The following ARHGAP10 variants were observed in gnomAD, a reference collection of about 807,000 sequenced individuals.
ARHGAP10 encodes rho GTPase-activating protein 10.
A neutral mutation model predicts 108.6 loss-of-function variants in ARHGAP10; 87 were observed. The ratio of observed to expected loss-of-function variants is 0.80; its 90% CI spans 0.67 to 0.96. The LOEUF (loss-of-function observed/expected upper bound fraction) is 0.96, where lower values mean the gene tolerates loss of function less well. Ranked by LOEUF, ARHGAP10 falls within the 40% of genes least tolerant of loss-of-function variation. The pLI, the probability that ARHGAP10 is intolerant of heterozygous loss-of-function variation, is 0.00. For missense variants in ARHGAP10, 939 were observed against 954.5 expected, an observed-to-expected ratio of 0.98 and a Z score of 0.21; for synonymous variants, 347 against 341.1, an observed-to-expected ratio of 1.02 and a Z score of -0.19.
At chr4:147,935,015 C>T (rs1737869127) in intron 13 of ARHGAP10, among the ~76,000 whole-genome samples, 1 of 152,112 alleles carries the variant, frequency 6.6e-6, no homozygotes, top group African/African-American at 2.4e-5. Context: ...TAGCACCTGG[C>T]ACATATCTGA....
intron 13 of ARHGAP10, among the ~76,000 whole-genome samples, chr4:147,935,729 G>A (rs1737901104): frequency 6.6e-6 from 1 of 152,148 alleles, no homozygotes; most frequent in East Asian, 1.9e-4. Context: ...CTCTCATTTA[G>A]TTCAGAGCCT....
intron 18 of ARHGAP10, among the ~76,000 whole-genome samples, chr4:148,005,260 C>G (rs560683880): frequency 6.6e-6 from 1 of 152,114 alleles, no homozygotes; most frequent in Non-Finnish European, 1.5e-5. Flanking sequence ...AAGTGTGGAA[C>G]CGTATCTACT....
In ARHGAP10 at chr4:147,732,274, T is replaced by A. The variant is rs765509231; in HGVS notation, c.-28T>A. 1.9e-6 allele frequency: 3 copies of A among 1,562,342 alleles called. No homozygotes were observed. Among genetic ancestry groups the A allele is most frequent in the Admixed American group, 3.7e-5 (2 of 54,042 alleles). On this transcript the variant is annotated 5_prime_UTR_variant, in exon 1 of 23. Coordinates refer to ENST00000336498, the MANE Select transcript of ARHGAP10 (RefSeq NM_024605.4). Reference sequence around the variant, plus strand: ...CGGCTCGGGCAGGAGCGCGCGGCCGTGCGCACCGCGCAGCGACCGCTGCCG... The same window carrying A: ...CGGCTCGGGCAGGAGCGCGCGGCCGAGCGCACCGCGCAGCGACCGCTGCCG...
chr4:147,909,403 T>A (rs1041500390), intron 11 of ARHGAP10, among the ~76,000 whole-genome samples: 1 of 152,130 alleles, frequency 6.6e-6, no homozygotes, highest in Non-Finnish European at 1.5e-5. Context: ...CTGAAAGAAA[T>A]ATCAGTGGGT....
chr4:148,025,099 T>C (rs1407206891), intron 19 of ARHGAP10, among the ~76,000 whole-genome samples: 1 of 152,216 alleles, frequency 6.6e-6, no homozygotes, highest in Non-Finnish European at 1.5e-5. Context: ...GATTGCTAAG[T>C]GATTATTAAT....
At chr4:147,961,213 A>G (rs1337151513) in intron 16 of ARHGAP10, among the ~76,000 whole-genome samples, 1 of 152,174 alleles carries the variant, frequency 6.6e-6, no homozygotes, top group Admixed American at 6.5e-5. Context: ...TGTCCTTGCC[A>G]AAGCTTAGTA....
intron 21 of ARHGAP10, among the ~76,000 whole-genome samples, chr4:148,063,717 T>C (rs1382550485): frequency 6.6e-6 from 1 of 152,232 alleles, no homozygotes; most frequent in South Asian, 2.1e-4. Context: ...CAGCAGCCTC[T>C]TCCACCTGTA....
chr4:148,007,050 G>A (rs749939551), intron 18 of ARHGAP10, among the ~76,000 whole-genome samples: 5 of 152,190 alleles, frequency 3.3e-5, no homozygotes, highest in African/African-American at 7.2e-5. Flanking sequence ...TGTAGGTGCG[G>A]TGGGAGTTAG....
At chr4:147,797,020 C>T (rs1205429712) in intron 1 of ARHGAP10, among the ~76,000 whole-genome samples, 1 of 152,064 alleles carries the variant, frequency 6.6e-6, no homozygotes, top group African/African-American at 2.4e-5. Flanking sequence ...ATTGCTGTCT[C>T]CTTGGTTTGG....
At chr4:147,869,286 A>ATGTTGAGTGAAAC (rs924741759) in intron 7 of ARHGAP10, among the ~76,000 whole-genome samples, 3 of 152,078 alleles carry the variant, frequency 2.0e-5, no homozygotes, top group Admixed American at 2.0e-4. Context: ...GTCTCTTGGG[A>ATGTTGAGTGAAAC]TGTTGAGTGA....
At chr4:147,994,743 C>T (rs943468665) in intron 18 of ARHGAP10, among the ~76,000 whole-genome samples, 1 of 152,136 alleles carries the variant, frequency 6.6e-6, no homozygotes, top group East Asian at 1.9e-4. Context: ...TCTGCCCCAG[C>T]AATACGTAAA....
chr4:147,763,335 G>A, intron 1 of ARHGAP10, among the ~76,000 whole-genome samples: 1 of 141,660 alleles, frequency 7.1e-6, no homozygotes, highest in Non-Finnish European at 1.5e-5. Context: ...TTTTTTTTGA[G>A]ACAGTCTCGC....
intron 12 of ARHGAP10, among the ~76,000 whole-genome samples, chr4:147,911,651 C>G (rs34287232): frequency 6.6e-6 from 1 of 152,090 alleles, no homozygotes; most frequent in African/African-American, 2.4e-5. Context: ...CGTGAGCCAC[C>G]GCGCCTGGCC....
Position 147,848,311 on chromosome 4 carries a change from G to T in ARHGAP10, c.384+1089G>T, listed in dbSNP as rs142511271. ...TTTTAATGAAGGGCTACGAATTGAG[G>T]CTCAGACCCTGTGAACAGTGGGAGA... On this transcript the variant is annotated intron_variant, in intron 4 of 22. Coordinates refer to ENST00000336498, the MANE Select transcript of ARHGAP10 (RefSeq NM_024605.4). Among the ~76,000 whole-genome samples the T allele has an allele frequency of 7.4e-3, 1,131 of 152,342 alleles. 18 individuals carry two copies. Among genetic ancestry groups the T allele is most frequent in the African/African-American group, 0.026 (1,076 of 41,578 alleles).
chr4:148,008,550 A>G (rs1232384485), intron 18 of ARHGAP10, among the ~76,000 whole-genome samples: 4 of 151,680 alleles, frequency 2.6e-5, no homozygotes, highest in African/African-American at 9.7e-5. Flanking sequence ...GCACAGGGCA[A>G]TCCCTCCACA....
intron 10 of ARHGAP10, among the ~76,000 whole-genome samples, chr4:147,902,013 G>A (rs967508278): frequency 1.2e-4 from 18 of 152,176 alleles, no homozygotes; most frequent in Non-Finnish European, 2.5e-4. Context: ...CTTACTTGCT[G>A]CAGTGGTTCG....
At chr4:147,792,020 T>A (rs1731145646) in intron 1 of ARHGAP10, among the ~76,000 whole-genome samples, 1 of 152,224 alleles carries the variant, frequency 6.6e-6, no homozygotes, top group South Asian at 2.1e-4. Context: ...TATGTGCGTT[T>A]CTCTGGGGAC....
chr4:148,043,754 GTATATATA>G (rs1241274085), intron 19 of ARHGAP10, among the ~76,000 whole-genome samples: 1 of 131,852 alleles, frequency 7.6e-6, no homozygotes, highest in Non-Finnish European at 1.6e-5. Context: ...ATGTATATAT[GTATATATA>G]TGTGTATATA....
intron 19 of ARHGAP10, among the ~76,000 whole-genome samples, chr4:148,029,539 T>A (rs1302325894): frequency 1.3e-5 from 2 of 152,270 alleles, no homozygotes; most frequent in East Asian, 1.9e-4. Context: ...GTTGACATTC[T>A]GTAGCTATAG....
Sources: gnomAD v4.1 joint callset for allele counts (sites outside exome capture counted in the v4.1 genomes callset) on GRCh38, gnomAD v4.1.1 for gene constraint, MANE v1.5 for transcripts, NCBI Gene and HGNC (gene_info 2026-07-23, HGNC 2026-07-21) for gene names.